MGAM2: variants seen among roughly 807,000 people sequenced by gnomAD.
MGAM2 encodes the protein maltase-glucoamylase 2 (putative).
MGAM2 carries 98 observed loss-of-function variants against 96.1 expected under a neutral mutation model. The ratio of observed to expected loss-of-function variants is 1.02; its 90% CI spans 0.87 to 1.21. The LOEUF is 1.21. Among genes scored for constraint, MGAM2 ranks in the 50% most tolerant of loss-of-function variants. The pLI, the probability that MGAM2 is intolerant of heterozygous loss-of-function variation, is 0.00. For missense variants in MGAM2, 2,055 were observed against 1,182.4 expected (o/e 1.74, Z -10.82); for synonymous variants, 749 against 414.8 (o/e 1.81, Z -9.79).
intron 10 of MGAM2, 35 bp downstream of exon 10, chr7:142,138,702 C>T (rs867737996): frequency 3.0e-6 from 2 of 672,762 alleles, no homozygotes; most frequent in Non-Finnish European, 2.7e-6. Context: ...GCAGTTGACA[C>T]CAATTCCCAT....
chr7:142,189,618 C>A (rs1353674955), intron 37 of MGAM2, 113 bp downstream of exon 37: 2 of 486,782 alleles, frequency 4.1e-6, no homozygotes, highest in Non-Finnish European at 7.2e-6. Context: ...GGGTTAAAGT[C>A]AAAATTTCAG....
At chr7:142,176,231 T>C (rs1319453221) in intron 32 of MGAM2, among the ~76,000 whole-genome samples, 2 of 152,148 alleles carry the variant, frequency 1.3e-5, no homozygotes, top group African/African-American at 2.4e-5. Flanking sequence ...ATGGTAAGGC[T>C]CAGATGACAT....
chr7:142,146,327 C>G (rs1795385844), intron 14 of MGAM2, among the ~76,000 whole-genome samples: 1 of 151,926 alleles, frequency 6.6e-6, no homozygotes, highest in Non-Finnish European at 1.5e-5. Context: ...GCATAGTGCA[C>G]ATTAATTAGC....
At position 142,159,271 on chromosome 7, in the gene MGAM2, A is replaced by G. The variant is rs1795822185; in HGVS notation, c.2164-16A>G. 1 of 701,684 alleles carries G rather than the reference A, an allele frequency of 1.4e-6. No homozygotes were observed. 43.5% of individuals were successfully genotyped at this position (701,684 alleles called of 1,614,324 possible). ...GAGGGGTATGCTAATGCTACTCATT[A>G]TTGTTGTTTACCTAGGGTGTGGACG... On this transcript the variant is annotated splice_polypyrimidine_tract_variant and intron_variant, in intron 19 of 47. Coordinates refer to ENST00000477922, the MANE Select transcript of MGAM2 (RefSeq NM_001293626.2).
At chr7:142,160,780 T>C (rs142676301) in intron 21 of MGAM2, among the ~76,000 whole-genome samples, 4 of 151,892 alleles carry the variant, frequency 2.6e-5, no homozygotes, top group South Asian at 2.1e-4. Context: ...GTAGAGTTAT[T>C]ATGAGGGTTA....
rs981312836 is a variant in MGAM2, at chr7:142,147,585, G to A, written c.1634+12G>A. 2 of 700,200 alleles carry A rather than the reference G, an allele frequency of 2.9e-6. No individual in the cohort carries two copies. Among genetic ancestry groups the A allele is most frequent in the Admixed American group, 4.0e-5 (2 of 49,534 alleles). The allele number at this position is 700,200 out of a possible 1,614,324, so 43.4% of individuals were successfully genotyped here. On this transcript the variant is annotated intron_variant, in intron 15 of 47. Transcript: ENST00000477922. ...AGAACCACAAACTTGTAAGGACTTG[G>A]TTTTCACCCTAATTCCAGATATGTG...
rs986397444 is a variant in MGAM2, at chr7:142,137,457, C to T, written c.872C>T (p.Ala291Val). The change falls in exon 9 of 48, where the codon GCG (alanine) becomes GTG (valine). Residue 291 changes from alanine to valine, a missense_variant. Coordinates refer to ENST00000477922, the MANE Select transcript of MGAM2 (RefSeq NM_001293626.2). ...AMEVTLQPAP[A>V]ITYRTIGGIL... ...GAGGTTACCCTTCAGCCAGCTCCTG[C>T]GATCACTTATCGCACGATTGGAGGC... The T allele has an allele frequency of 1.4e-5, 10 of 700,232 alleles. No homozygotes were observed. Among genetic ancestry groups the T allele is most frequent in the Middle Eastern group, 2.3e-4 (1 of 4,366 alleles). The allele number at this position is 700,232 out of a possible 1,614,324, so 43.4% of individuals were successfully genotyped here.
At chr7:142,163,207 A>G (rs1795940366) in intron 23 of MGAM2, among the ~76,000 whole-genome samples, 1 of 152,214 alleles carries the variant, frequency 6.6e-6, no homozygotes. Context: ...GGCTCCAGTC[A>G]TGAGCTGTTA....
Position 142,220,039 on chromosome 7 carries a change from C to T in MGAM2, c.5528C>T (p.Thr1843Ile), listed in dbSNP as rs1797871407. 1 of 702,930 alleles carries T rather than the reference C, an allele frequency of 1.4e-6. No homozygotes were observed. The highest frequency in any genetic ancestry group is 2.6e-6 in the Non-Finnish European group (1 of 384,934). The allele number at this position is 702,930 out of a possible 1,614,324, so 43.5% of individuals were successfully genotyped here. Residue 1843 changes from threonine (T) to isoleucine (I), a missense_variant, in exon 48 of 48, where the codon ACC (threonine) becomes ATC (isoleucine). Thr to Ile is a moderately conservative substitution (Grantham distance 89, BLOSUM62 -1). Transcript: ENST00000477922. ...AATGCCACCAGTTCTGAGACAATCA[C>T]CAGTTCTGCCAGTGCAAATACTACC... ...TTNATSSETITSSASANTTTG... is the reference protein window; with the variant it reads ...TTNATSSETIISSASANTTTG...
At chr7:142,214,231 C>G (rs1330333548) in intron 46 of MGAM2, among the ~76,000 whole-genome samples, 1 of 152,102 alleles carries the variant, frequency 6.6e-6, no homozygotes, top group East Asian at 1.9e-4. Flanking sequence ...GGAAGCTTTC[C>G]CTTTGAAAAC....
chr7:142,202,600 A>G (rs951931263), intron 45 of MGAM2, among the ~76,000 whole-genome samples: 2 of 152,228 alleles, frequency 1.3e-5, no homozygotes, highest in Non-Finnish European at 2.9e-5. Flanking sequence ...TAATTTTCTT[A>G]AGATTGTGAC....
At chr7:142,214,598 G>A (rs1335173969) in intron 46 of MGAM2, among the ~76,000 whole-genome samples, 2 of 152,188 alleles carry the variant, frequency 1.3e-5, no homozygotes, top group Admixed American at 6.5e-5. Context: ...TACAAGGGAT[G>A]TGAAGGACCT....
Position 142,221,542 on chromosome 7 carries a change from A to G in MGAM2, c.7031A>G (p.Asn2344Ser), listed in dbSNP as rs1217562297. ...TPTNANTIIF[N>S]TLDTKSTMVI... Reference sequence around the variant, plus strand: ...ACAAATGCAAACACCATTATTTTCAACACTCTTGATACAAAAAGTACCATG... The same window carrying G: ...ACAAATGCAAACACCATTATTTTCAGCACTCTTGATACAAAAAGTACCATG... Residue 2344 changes from asparagine to serine, a missense_variant, in exon 48 of 48, where the codon AAC becomes AGC. Transcript: ENST00000477922. The G allele has an allele frequency of 1.1e-5, 6 of 540,032 alleles. No homozygotes were observed. In the East Asian group the frequency reaches 1.7e-4, roughly 16 times the overall value. 33.5% of individuals were successfully genotyped at this position (540,032 alleles called of 1,614,324 possible).
chr7:142,218,548 T>C lies in MGAM2; in HGVS notation c.5358+17T>C. 4 of 612,842 alleles carry C rather than the reference T, an allele frequency of 6.5e-6. No individual in the cohort carries two copies. The highest frequency in any genetic ancestry group is 1.2e-5 in the Non-Finnish European group (4 of 338,824). The allele number at this position is 612,842 out of a possible 1,614,324, so 38.0% of individuals were successfully genotyped here. A position where few individuals can be genotyped will look rare whatever the true frequency, so the allele number is the denominator to read the frequency against. ...TATAATCAGGTAGGTCTGAAAGGAA[T>C]ATTAGCATATCACAAGTAAATTTTA... On this transcript the variant is annotated intron_variant, in intron 47 of 47. Coordinates refer to ENST00000477922, the MANE Select transcript of MGAM2 (RefSeq NM_001293626.2).
chr7:142,155,634 T>C (rs1795712346), intron 17 of MGAM2, among the ~76,000 whole-genome samples: 1 of 152,188 alleles, frequency 6.6e-6, no homozygotes, highest in Non-Finnish European at 1.5e-5. Flanking sequence ...TGGCCACTTG[T>C]GATCTAGAGA....
chr7:142,204,327 T>G (rs1037990327), intron 45 of MGAM2, among the ~76,000 whole-genome samples: 2 of 152,140 alleles, frequency 1.3e-5, no homozygotes, highest in Admixed American at 1.3e-4. Context: ...ATATGAGAGA[T>G]ATTTTTCAAA....
intron 12 of MGAM2, 131 bp downstream of exon 12, chr7:142,141,250 A>T (rs1795220917): frequency 3.5e-6 from 2 of 566,938 alleles, no homozygotes; most frequent in African/African-American, 3.8e-5. Flanking sequence ...TTTTATTACT[A>T]TTTTAAACCA....
chr7:142,166,132 T>A lies in MGAM2; in HGVS notation c.2687T>A (p.Leu896Gln). The change falls in exon 25 of 48, where the codon CTG becomes CAG. Residue 896 changes from leucine to glutamine, a missense_variant. Transcript: ENST00000477922. ...VTITDLQGLV[L>Q]GQEFSIRWNL... ...ATCACTGATCTCCAAGGACTGGTAC[T>A]GGGACAAGAATTCTCTATTAGGTGG... 1.4e-6 allele frequency: 1 copy of A among 702,112 alleles called. No homozygotes were observed. The highest frequency in any genetic ancestry group is 2.6e-6 in the Non-Finnish European group (1 of 384,550). The allele number at this position is 702,112 out of a possible 1,614,324, so 43.5% of individuals were successfully genotyped here. A position where few individuals can be genotyped will look rare whatever the true frequency, so the allele number is the denominator to read the frequency against.
intron 17 of MGAM2, among the ~76,000 whole-genome samples, chr7:142,156,186 G>A (rs1254049961): frequency 1.3e-5 from 2 of 151,744 alleles, no homozygotes; most frequent in African/African-American, 4.8e-5. Flanking sequence ...AAGAAACAGG[G>A]ACATTGTTTT....
Sources: allele counts gnomAD v4.1 joint callset (sites outside exome capture counted in the v4.1 genomes callset), GRCh38; gene constraint gnomAD v4.1.1; transcripts MANE v1.5; gene names NCBI Gene and HGNC (gene_info 2026-07-23, HGNC 2026-07-21).